BMP2K: variants seen among roughly 807,000 people sequenced by gnomAD.
BMP2K encodes the protein BMP-2-inducible protein kinase.
In BMP2K, 74 loss-of-function variants were observed where a neutral mutation model predicts 116.0. The observed-to-expected ratio is 0.64, with a 90% confidence interval of 0.53 to 0.77. BMP2K has a LOEUF of 0.77. Among genes scored for constraint, BMP2K ranks in the 30% least tolerant of loss-of-function variants. The pLI is 0.00. For missense variants in BMP2K, 1,365 were observed against 1,403.6 expected (o/e 0.97, Z 0.44); for synonymous variants, 486 against 502.5 (o/e 0.97, Z 0.44).
chr4:78,823,385 CTT>C (rs994002934), intron 1 of BMP2K, among the ~76,000 whole-genome samples: 2 of 151,586 alleles, frequency 1.3e-5, no homozygotes, highest in Non-Finnish European at 1.5e-5. Flanking sequence ...TGGGGGAACT[CTT>C]TTCCCTCTTC....
Position 78,837,504 on chromosome 4 carries a change from C to T in BMP2K, c.403+3817C>T, listed in dbSNP as rs538857710. Reference sequence around the variant, plus strand: ...GCTACCACTCCCAGCTTGACTCTTTCGTGTTCTCTCAGTGTTCTTTGCTAA... The same window carrying T: ...GCTACCACTCCCAGCTTGACTCTTTTGTGTTCTCTCAGTGTTCTTTGCTAA... On this transcript the variant is annotated intron_variant, in intron 3 of 15. Transcript: ENST00000502613. Among the ~76,000 whole-genome samples the T allele has an allele frequency of 1.4e-4, 21 of 152,230 alleles. No homozygotes were observed. The South Asian group carries it at 2.3e-3, about 17-fold the overall frequency.
chr4:78,804,340 T>C (rs1728716571), intron 1 of BMP2K, among the ~76,000 whole-genome samples: 1 of 152,248 alleles, frequency 6.6e-6, no homozygotes. Context: ...ACATTTTGTT[T>C]ATTAATCAGT....
At position 78,911,445 on chromosome 4, in the gene BMP2K, G is replaced by A. The variant is rs781716389; in HGVS notation, c.2898G>A (p.Gln966=). 2.5e-6 allele frequency: 4 copies of A among 1,614,042 alleles called. No homozygotes were observed. Among genetic ancestry groups the A allele is most frequent in the Non-Finnish European group, 3.4e-6 (4 of 1,179,892 alleles). The part of the protein sequence containing the change: ...LVPFDEITGS[Q]QQKVKQRSLQ... ...CCTTTGATGAAATAACGGGGAGCCAGCAGCAAAAAGTCAAACAGCGCAGCT... is the reference window on the plus strand; with the variant it reads ...CCTTTGATGAAATAACGGGGAGCCAACAGCAAAAAGTCAAACAGCGCAGCT... The change falls in exon 16 of 16, where the codon CAG becomes CAA. Residue 966 remains glutamine, a synonymous_variant. Coordinates refer to ENST00000502613, the MANE Select transcript of BMP2K (RefSeq NM_198892.2).
At chr4:78,812,561 T>C (rs964881610) in intron 1 of BMP2K, among the ~76,000 whole-genome samples, 1 of 152,202 alleles carries the variant, frequency 6.6e-6, no homozygotes, top group Non-Finnish European at 1.5e-5. Context: ...TCTGAAATTT[T>C]ACCCTACTAA....
intron 1 of BMP2K, among the ~76,000 whole-genome samples, chr4:78,786,788 G>A (rs928165103): frequency 6.6e-6 from 1 of 152,052 alleles, no homozygotes; most frequent in African/African-American, 2.4e-5. Flanking sequence ...GCTCTGCGTA[G>A]CAACTGTTAC....
intron 2 of BMP2K, among the ~76,000 whole-genome samples, chr4:78,828,341 G>A (rs1363344876): frequency 6.6e-6 from 1 of 152,210 alleles, no homozygotes; most frequent in Non-Finnish European, 1.5e-5. Flanking sequence ...TATGGGGGAA[G>A]GGGTACAGAG....
intron 10 of BMP2K, 115 bp from the exon 11 acceptor site, chr4:78,870,668 A>G: frequency 7.3e-7 from 1 of 1,362,486 alleles, no homozygotes; most frequent in Non-Finnish European, 9.8e-7. Flanking sequence ...TTTTTGTGTT[A>G]TAAATAAGGA....
chr4:78,794,605 G>T (rs1377060378), intron 1 of BMP2K, among the ~76,000 whole-genome samples: 1 of 151,900 alleles, frequency 6.6e-6, no homozygotes, highest in Non-Finnish European at 1.5e-5. Context: ...AGATGTCCTT[G>T]CTCTGTCATG....
At chr4:78,823,832 C>T (rs1385218327) in intron 1 of BMP2K, among the ~76,000 whole-genome samples, 1 of 152,016 alleles carries the variant, frequency 6.6e-6, no homozygotes, top group Non-Finnish European at 1.5e-5. Flanking sequence ...ATAAATGTCT[C>T]AAAACAAATG....
At chr4:78,838,079 G>A (rs138562007) in intron 3 of BMP2K, among the ~76,000 whole-genome samples, 1 of 152,332 alleles carries the variant, frequency 6.6e-6, no homozygotes, top group African/African-American at 2.4e-5. Flanking sequence ...GGCTGGGGAA[G>A]CCTCACAATC....
chr4:78,805,579 TAA>T (rs1177793594), intron 1 of BMP2K, among the ~76,000 whole-genome samples: 4 of 152,330 alleles, frequency 2.6e-5, no homozygotes, highest in South Asian at 2.1e-4. Flanking sequence ...AAATTTTTAT[TAA>T]GTTTATTACT....
chr4:78,886,366 C>G (rs1282604487), intron 14 of BMP2K, among the ~76,000 whole-genome samples: 2 of 152,194 alleles, frequency 1.3e-5, no homozygotes, highest in East Asian at 1.9e-4. Context: ...TTACTAAAAC[C>G]TCTACCCACT....
intron 15 of BMP2K, 80 bp downstream of exon 15, chr4:78,887,364 AGACTCTGATGTTAGT>A: frequency 9.8e-7 from 1 of 1,021,502 alleles, no homozygotes; most frequent in South Asian, 1.4e-5. Context: ...AGTGGAAGTA[AGACTCTGATGTTAGT>A]TAGCTACAGA....
Position 78,871,037 on chromosome 4 carries a change from C to T in BMP2K, c.1486C>T (p.Leu496Phe). The change falls in exon 11 of 16, where the codon CTT becomes TTT. Residue 496 changes from leucine to phenylalanine, a missense_variant. This residue lies in a region of BMP2K where 762 missense variants were observed against 756.7 expected (regional missense o/e 1.01). Transcript: ENST00000502613. ...QHHHHHHHHLLQDAYMQQYQH... is the reference protein window; with the variant it reads ...QHHHHHHHHLFQDAYMQQYQH... ...CCACCACCACCACCACCACCACCTA[C>T]TTCAAGATGCTTATATGCAGCAGGT... The T allele has an allele frequency of 6.2e-7, 1 of 1,605,822 alleles. No individual in the cohort carries two copies.
chr4:78,806,340 G>T (rs754811258), intron 1 of BMP2K, among the ~76,000 whole-genome samples: 12 of 152,084 alleles, frequency 7.9e-5, no homozygotes, highest in Admixed American at 2.6e-4. Flanking sequence ...TATGCCCAGT[G>T]AATTTAAAAT....
In BMP2K at chr4:78,794,184, G is replaced by C. The variant is rs1021486401; in HGVS notation, c.178+17463G>C. On this transcript the variant is annotated intron_variant, in intron 1 of 15. Coordinates refer to ENST00000502613, the MANE Select transcript of BMP2K (RefSeq NM_198892.2). ...GGGTACTGCTTGTATCTTGGATCTG[G>C]GGGGGAATCCCTTTCTGACAATTTG... Among the ~76,000 whole-genome samples the C allele has an allele frequency of 3.9e-5, 6 of 152,112 alleles. No homozygotes were observed. The East Asian group carries it at 9.7e-4, about 25-fold the overall frequency.
At position 78,776,581 on chromosome 4, in the gene BMP2K, G is replaced by C; in HGVS notation, c.38G>C (p.Gly13Ala). The change falls in exon 1 of 16, where the codon GGC becomes GCC. Residue 13 changes from glycine (G) to alanine (A), a missense_variant. Physicochemically the swap from Gly to Ala is moderately conservative, Grantham distance 60. This residue lies in a region of BMP2K where 762 missense variants were observed against 756.7 expected (regional missense o/e 1.01). Coordinates refer to ENST00000502613, the MANE Select transcript of BMP2K (RefSeq NM_198892.2). The part of the protein sequence containing the change: ...KFSRMPKSEG[G>A]SGGGAAGGGA... Reference sequence around the variant, plus strand: ...TCTCGGATGCCCAAGTCGGAGGGCGGCAGCGGCGGCGGAGCGGCGGGTGGC... The same window carrying C: ...TCTCGGATGCCCAAGTCGGAGGGCGCCAGCGGCGGCGGAGCGGCGGGTGGC... 8.6e-7 allele frequency: 1 copy of C among 1,161,326 alleles called. No individual in the cohort carries two copies. The highest frequency in any genetic ancestry group is 1.1e-6 in the Non-Finnish European group (1 of 938,486). The allele number at this position is 1,161,326 out of a possible 1,614,324, so 71.9% of individuals were successfully genotyped here. A position where few individuals can be genotyped will look rare whatever the true frequency, so the allele number is the denominator to read the frequency against.
intron 14 of BMP2K, among the ~76,000 whole-genome samples, chr4:78,883,907 A>T (rs1331983541): frequency 6.6e-6 from 1 of 152,080 alleles, no homozygotes; most frequent in Non-Finnish European, 1.5e-5. Flanking sequence ...ACAAAAAATT[A>T]AAAAAATAAA....
At chr4:78,865,794 C>G in intron 10 of BMP2K, 74 bp downstream of exon 10, 2 of 1,433,058 alleles carry the variant, frequency 1.4e-6, no homozygotes, top group African/African-American at 1.4e-5. Flanking sequence ...ATTTCCTGAC[C>G]TCAGGTGATC....
Sources: gnomAD v4.1 joint callset for allele counts (sites outside exome capture counted in the v4.1 genomes callset) on GRCh38, gnomAD v4.1.1 for gene constraint, gnomAD v4.1.1 regional missense constraint, MANE v1.5 for transcripts, NCBI Gene and HGNC (gene_info 2026-07-23, HGNC 2026-07-21) for gene names.